INPP5A: variants seen among roughly 807,000 people sequenced by gnomAD.
The protein encoded by INPP5A is inositol polyphosphate-5-phosphatase A.
In INPP5A, 14 loss-of-function variants were observed where a neutral mutation model predicts 65.2. The ratio of observed to expected loss-of-function variants is 0.21; its 90% CI spans 0.14 to 0.34. The LOEUF is 0.34. Ranked by LOEUF, INPP5A falls within the 10% of genes least tolerant of loss-of-function variation. The pLI, the probability that INPP5A is intolerant of heterozygous loss-of-function variation, is 1.00. For synonymous variants in INPP5A, 207 were observed against 208.3 expected, an observed-to-expected ratio of 0.99 and a Z score of 0.05; for missense variants, 431 against 545.6, an observed-to-expected ratio of 0.79 and a Z score of 2.09.
At chr10:132,585,311 C>A (rs1590847582) in intron 1 of INPP5A, among the ~76,000 whole-genome samples, 1 of 152,192 alleles carries the variant, frequency 6.6e-6, no homozygotes, top group Non-Finnish European at 1.5e-5. Flanking sequence ...GTTTCAGGTA[C>A]CTTATGTCAT....
intron 4 of INPP5A, among the ~76,000 whole-genome samples, chr10:132,658,074 G>A (rs986426627): frequency 1.6e-4 from 24 of 152,320 alleles, no homozygotes; most frequent in African/African-American, 3.8e-4. Context: ...ACTTTACTCC[G>A]CTCCCCGCTG....
At position 132,670,647 on chromosome 10, in the gene INPP5A, G is replaced by A. The variant is rs576787562; in HGVS notation, c.307-19745G>A. Among the ~76,000 whole-genome samples the A allele has an allele frequency of 4.6e-5, 7 of 151,598 alleles. No individual in the cohort carries two copies. In the East Asian group the frequency reaches 9.9e-4, roughly 21 times the overall value. ...AGCTAAGTCTTCACCCTGCCTGCGC[G>A]CATCCCTGTGGCCTTCTGGGAGGTC... On this transcript the variant is annotated intron_variant, in intron 4 of 15. Coordinates refer to ENST00000368594, the MANE Select transcript of INPP5A (RefSeq NM_005539.5).
intron 1 of INPP5A, among the ~76,000 whole-genome samples, chr10:132,559,424 G>A (rs1290219739): frequency 2.0e-5 from 3 of 152,220 alleles, no homozygotes; most frequent in African/African-American, 4.8e-5. Context: ...TCACAAGGTC[G>A]TGTGACCTTC....
chr10:132,688,492 A>G (rs1463191911), intron 4 of INPP5A, among the ~76,000 whole-genome samples: 1 of 152,250 alleles, frequency 6.6e-6, no homozygotes, highest in African/African-American at 2.4e-5. Context: ...ATAGCTCTGC[A>G]GCCCCGTAGG....
At chr10:132,776,336 G>A (rs867002422) in intron 12 of INPP5A, among the ~76,000 whole-genome samples, 24 of 152,038 alleles carry the variant, frequency 1.6e-4, no homozygotes, top group African/African-American at 3.9e-4. Context: ...GAGCTCCTGC[G>A]TCAGGGCAGA....
At chr10:132,591,323 T>C (rs975652314) in intron 1 of INPP5A, among the ~76,000 whole-genome samples, 5 of 151,800 alleles carry the variant, frequency 3.3e-5, no homozygotes, top group Non-Finnish European at 5.9e-5. Flanking sequence ...TTTTTCCATA[T>C]GAACTTTAGA....
chr10:132,690,017 G>C lies in INPP5A; in HGVS notation c.307-375G>C, dbSNP rs571020628. ...GCCCCTGCTGGAGCCAGCACCGGCT[G>C]CACGGCTCACCTGGGAAGGGTCTGG... On this transcript the variant is annotated intron_variant, in intron 4 of 15. Transcript: ENST00000368594. Among the ~76,000 whole-genome samples the C allele has an allele frequency of 2.8e-3, 429 of 152,346 alleles. 1 individual carries two copies. The highest frequency in any genetic ancestry group is 0.01 in the African/African-American group (416 of 41,564).
intron 4 of INPP5A, among the ~76,000 whole-genome samples, chr10:132,661,072 C>T (rs2072730342): frequency 6.6e-6 from 1 of 152,198 alleles, no homozygotes; most frequent in Non-Finnish European, 1.5e-5. Context: ...ATGAGGCCTG[C>T]ATCTCTCCCT....
intron 11 of INPP5A, among the ~76,000 whole-genome samples, chr10:132,765,093 G>A (rs1846818347): frequency 6.6e-6 from 1 of 151,008 alleles, no homozygotes; most frequent in African/African-American, 2.4e-5. Flanking sequence ...GCTGCGGTGG[G>A]AGGGTGTGCG....
chr10:132,762,591 G>A lies in INPP5A; in HGVS notation c.904-3182G>A, dbSNP rs1357071488. Among the ~76,000 whole-genome samples the A allele has an allele frequency of 6.6e-6, 1 of 152,192 alleles. No individual in the cohort carries two copies. The highest frequency in any genetic ancestry group is 2.4e-5 in the African/African-American group (1 of 41,450). On this transcript the variant is annotated intron_variant, in intron 11 of 15. Coordinates refer to ENST00000368594, the MANE Select transcript of INPP5A (RefSeq NM_005539.5). This position sits in a 1 kb window ranked among gnomAD's most constrained non-coding sequence, Gnocchi z 4.6. ...CACCAGCAGGTCCCACAGAGAACCA[G>A]GAGTAGCTGAGCTTCTGGAGCAGGG...
chr10:132,628,650 TA>T (rs1192330938), intron 2 of INPP5A, among the ~76,000 whole-genome samples: 1 of 152,202 alleles, frequency 6.6e-6, no homozygotes, highest in Non-Finnish European at 1.5e-5. Flanking sequence ...TAAATGTGAT[TA>T]AAAGGCAGAC....
At chr10:132,714,242 CGCGCTCAGCCA>C (rs1399720165) in intron 8 of INPP5A, among the ~76,000 whole-genome samples, 1 of 152,182 alleles carries the variant, frequency 6.6e-6, no homozygotes, top group Non-Finnish European at 1.5e-5. Context: ...GCTCCTGCGG[CGCGCTCAGCCA>C]GCCGCAGATC....
In INPP5A at chr10:132,547,435, G is replaced by A. The variant is rs1354587085; in HGVS notation, c.75+9264G>A. On this transcript the variant is annotated intron_variant, in intron 1 of 15. Transcript: ENST00000368594. The surrounding 1 kb of genome is among the most constrained non-coding windows in gnomAD (Gnocchi z 5.5). Reference sequence around the variant, plus strand: ...GGGCGCGTGGCCCAGGCTGAGCAGTGCACTCGGCTGCCTAGGTGGTGTGAG... The same window carrying A: ...GGGCGCGTGGCCCAGGCTGAGCAGTACACTCGGCTGCCTAGGTGGTGTGAG... 1.3e-5 allele frequency among the ~76,000 whole-genome samples: 2 copies of A among 152,170 alleles called. No homozygotes were observed. Among genetic ancestry groups the A allele is most frequent in the Non-Finnish European group, 2.9e-5 (2 of 68,020 alleles).
At chr10:132,781,625 G>A (rs975079923) in intron 14 of INPP5A, among the ~76,000 whole-genome samples, 5 of 152,120 alleles carry the variant, frequency 3.3e-5, no homozygotes, top group African/African-American at 1.2e-4. Flanking sequence ...CACCTTCCTT[G>A]CAAAACCTCT....
chr10:132,618,988 A>G (rs943495748), intron 2 of INPP5A, among the ~76,000 whole-genome samples: 4 of 152,130 alleles, frequency 2.6e-5, no homozygotes, highest in Non-Finnish European at 5.9e-5. Flanking sequence ...GCCGGGGACA[A>G]ATATACAAAC....
At chr10:132,736,960 G>A (rs963429689) in intron 9 of INPP5A, among the ~76,000 whole-genome samples, 2 of 152,238 alleles carry the variant, frequency 1.3e-5, no homozygotes, top group African/African-American at 2.4e-5. Flanking sequence ...AGTGGGCGCC[G>A]TGAGGCTGTG....
At position 132,683,219 on chromosome 10, in the gene INPP5A, G is replaced by A. The variant is rs542766015; in HGVS notation, c.307-7173G>A. Among the ~76,000 whole-genome samples, 162 of 148,696 alleles carry A rather than the reference G, an allele frequency of 1.1e-3. 1 individual carries two copies. Among genetic ancestry groups the A allele is most frequent in the African/African-American group, 3.8e-3 (153 of 39,974 alleles). On this transcript the variant is annotated intron_variant, in intron 4 of 15. Transcript: ENST00000368594. Reference sequence around the variant, plus strand: ...ACGTATTATCCTATGTGGAGGGCACGTGTCTGCCGTGACCCAGCAAGGCCA... The same window carrying A: ...ACGTATTATCCTATGTGGAGGGCACATGTCTGCCGTGACCCAGCAAGGCCA...
chr10:132,688,448 T>C (rs1185923220), intron 4 of INPP5A, among the ~76,000 whole-genome samples: 1 of 152,234 alleles, frequency 6.6e-6, no homozygotes, highest in Non-Finnish European at 1.5e-5. Flanking sequence ...TTAGGTGATG[T>C]TCAGGCATTG....
chr10:132,766,182 T>C (rs1846841731), intron 12 of INPP5A, among the ~76,000 whole-genome samples: 1 of 152,210 alleles, frequency 6.6e-6, no homozygotes, highest in Admixed American at 6.5e-5. Context: ...GTGTGCATAG[T>C]GTTTTTGTGT....
Sources: gnomAD v4.1 joint callset for allele counts (sites outside exome capture counted in the v4.1 genomes callset) on GRCh38, gnomAD v4.1.1 for gene constraint, Gnocchi (gnomAD v3.1) non-coding constraint, MANE v1.5 for transcripts, NCBI Gene and HGNC (gene_info 2026-07-23, HGNC 2026-07-21) for gene names.